The following JHY variants were observed in gnomAD, a reference collection of about 807,000 sequenced individuals.
The protein encoded by JHY is junctional cadherin complex regulator, also known as jhy protein homolog.
A neutral mutation model predicts 78.0 loss-of-function variants in JHY; 69 were observed. That is an observed-to-expected ratio of 0.88 (90% CI 0.73 to 1.08). The LOEUF (loss-of-function observed/expected upper bound fraction) is 1.08, where lower values mean the gene tolerates loss of function less well. JHY is among the 50% of genes least tolerant of loss of function. JHY has a pLI of 0.00. For synonymous variants in JHY, 368 were observed against 342.6 expected (o/e 1.07, Z -0.82); for missense variants, 944 against 927.8 (o/e 1.02, Z -0.23).
chr11:122,886,023 T>C lies in JHY; in HGVS notation c.174T>C (p.Ser58=), dbSNP rs768362097. Reference sequence around the variant, plus strand: ...TCACGCAAGAGATTATGTGCCATTCTGAGTTTGATGATCGAATCCGGGGCA... The same window carrying C: ...TCACGCAAGAGATTATGTGCCATTCCGAGTTTGATGATCGAATCCGGGGCA... ...ESLTQEIMCH[S]EFDDRIRGNG... Residue 58 remains serine (S), a synonymous_variant, in exon 2 of 9, where the codon TCT becomes TCC. Transcript: ENST00000227349. 12 of 1,614,164 alleles carry C rather than the reference T, an allele frequency of 7.4e-6. No individual in the cohort carries two copies. The highest frequency in any genetic ancestry group is 1.7e-5 in the Admixed American group (1 of 60,022).
intron 1 of JHY, among the ~76,000 whole-genome samples, 190 bp from the exon 2 acceptor site, chr11:122,885,571 A>G (rs1862477593): frequency 6.6e-6 from 1 of 152,192 alleles, no homozygotes; most frequent in Admixed American, 6.5e-5. Context: ...TGAGCGCTAC[A>G]TCAGATGTGT....
chr11:122,937,652 T>A (rs1439550303), intron 5 of JHY, among the ~76,000 whole-genome samples: 5 of 152,120 alleles, frequency 3.3e-5, no homozygotes, highest in African/African-American at 4.8e-5. Flanking sequence ...GCCACACCTG[T>A]TTTCTGACTG....
chr11:122,921,106 T>G (rs957993326), intron 3 of JHY, among the ~76,000 whole-genome samples: 2 of 152,120 alleles, frequency 1.3e-5, no homozygotes, highest in Non-Finnish European at 2.9e-5. Flanking sequence ...GAAGTATGCT[T>G]TACTTGCCCA....
chr11:122,910,138 C>T (rs1489665896), intron 3 of JHY, among the ~76,000 whole-genome samples: 6 of 151,762 alleles, frequency 4.0e-5, no homozygotes, highest in Non-Finnish European at 8.8e-5. Flanking sequence ...GATAACTTAC[C>T]AGGATTTCTT....
chr11:122,926,778 C>G lies in JHY; in HGVS notation c.978+1768C>G, dbSNP rs184406222. The stretch of plus-strand genomic sequence containing the variant: ...GCCTCAGCCTGCCATTTACTTGATT[C>G]ATGACTGGGCAAATCTCAGCTTTTT... On this transcript the variant is annotated intron_variant, in intron 4 of 8. Coordinates refer to ENST00000227349, the MANE Select transcript of JHY (RefSeq NM_024806.4). 9.2e-4 allele frequency among the ~76,000 whole-genome samples: 140 copies of G among 152,310 alleles called. 1 individual carries two copies. Among genetic ancestry groups the G allele is most frequent in the African/African-American group, 3.1e-3 (130 of 41,572 alleles).
rs1383314088 is a variant in JHY, at chr11:122,914,370, G to T, written c.864+9926G>T. ...GGTCATTTTTTTGTAATTATATTTGGTTAGAAACATAGAATTATCTTCTTA... is the reference window on the plus strand; with the variant it reads ...GGTCATTTTTTTGTAATTATATTTGTTTAGAAACATAGAATTATCTTCTTA... On this transcript the variant is annotated intron_variant, in intron 3 of 8. Coordinates refer to ENST00000227349, the MANE Select transcript of JHY (RefSeq NM_024806.4). 3.9e-5 allele frequency among the ~76,000 whole-genome samples: 6 copies of T among 152,068 alleles called. No homozygotes were observed. In the East Asian group the frequency reaches 1.2e-3, roughly 29 times the overall value.
At chr11:122,909,181 T>C (rs1863058796) in intron 3 of JHY, among the ~76,000 whole-genome samples, 1 of 152,206 alleles carries the variant, frequency 6.6e-6, no homozygotes, top group South Asian at 2.1e-4. Context: ...GATTCCATTT[T>C]TCAACTACAA....
At chr11:122,956,156 CA>C (rs371179969) in intron 6 of JHY, among the ~76,000 whole-genome samples, 51,613 of 144,782 alleles carry the variant, frequency 0.36, 9,520 homozygotes, top group Non-Finnish European at 0.43. Context: ...CAGGTATCTC[CA>C]AAAAAAAAAA....
chr11:122,953,686 T>C (rs539845853), intron 6 of JHY, among the ~76,000 whole-genome samples: 18 of 151,668 alleles, frequency 1.2e-4, no homozygotes, highest in Middle Eastern at 6.9e-3. Flanking sequence ...CAGACAGATA[T>C]AATGGAGAGG....
At chr11:122,888,141 C>T (rs925325607) in intron 2 of JHY, among the ~76,000 whole-genome samples, 4 of 151,990 alleles carry the variant, frequency 2.6e-5, no homozygotes, top group Admixed American at 6.6e-5. Flanking sequence ...GAGTTGTCAC[C>T]AAGGTGCTAG....
chr11:122,915,661 C>T (rs1320838959), intron 3 of JHY, among the ~76,000 whole-genome samples: 2 of 152,004 alleles, frequency 1.3e-5, no homozygotes, highest in East Asian at 1.9e-4. Flanking sequence ...TAGAGGTACC[C>T]GCCACCATGC....
At chr11:122,926,000 G>C (rs1277173614) in intron 4 of JHY, among the ~76,000 whole-genome samples, 1 of 149,946 alleles carries the variant, frequency 6.7e-6, no homozygotes, top group Non-Finnish European at 1.5e-5. Context: ...CTGGGTGACA[G>C]AGCAAGACTC....
intron 2 of JHY, among the ~76,000 whole-genome samples, chr11:122,901,650 G>A (rs1862861749): frequency 6.6e-6 from 1 of 151,668 alleles, no homozygotes; most frequent in South Asian, 2.1e-4. Flanking sequence ...GAGGCAGGCA[G>A]ATCACGAGGT....
At chr11:122,884,136 TA>T (rs772772368) in intron 1 of JHY, among the ~76,000 whole-genome samples, 11 of 152,184 alleles carry the variant, frequency 7.2e-5, no homozygotes, top group Admixed American at 7.2e-4. Flanking sequence ...TCTGTAATAT[TA>T]GAGAATAATA....
Position 122,943,854 on chromosome 11 carries a change from A to AAGT in JHY, c.1635-2640_1635-2638dup, listed in dbSNP as rs1183012287. Among the ~76,000 whole-genome samples the AAGT allele has an allele frequency of 7.2e-5, 11 of 152,046 alleles. No individual in the cohort carries two copies. The East Asian group carries it at 2.1e-3, about 29-fold the overall frequency. ...CTTATGATTTAAGTGAGTCTCTTTTAAGTAGTGTGTTGGATTTTGTTTCTT... is the reference window on the plus strand; with the variant it reads ...CTTATGATTTAAGTGAGTCTCTTTTAAGTAGTAGTGTGTTGGATTTTGTTTCTT... On this transcript the variant is annotated intron_variant, in intron 5 of 8. Coordinates refer to ENST00000227349, the MANE Select transcript of JHY (RefSeq NM_024806.4).
chr11:122,926,200 A>AAAAAAAAAG (rs1863497646), intron 4 of JHY, among the ~76,000 whole-genome samples: 1 of 90,382 alleles, frequency 1.1e-5, no homozygotes, highest in African/African-American at 3.1e-5. Context: ...AAAAAAAAAA[A>AAAAAAAAAG]AAAAAAGAAA....
intron 4 of JHY, among the ~76,000 whole-genome samples, chr11:122,927,539 C>T (rs946507442): frequency 1.3e-5 from 2 of 152,058 alleles, no homozygotes; most frequent in African/African-American, 4.8e-5. Flanking sequence ...TTCAACTACC[C>T]AAGTCCAATG....
At chr11:122,925,078 C>G in intron 4 of JHY, 68 bp downstream of exon 4, 1 of 1,203,790 alleles carries the variant, frequency 8.3e-7, no homozygotes, top group Non-Finnish European at 1.2e-6. Flanking sequence ...ATGATCGTGA[C>G]TGAGTTCTTA....
intron 4 of JHY, among the ~76,000 whole-genome samples, chr11:122,930,143 T>C (rs912215636): frequency 9.8e-5 from 15 of 152,286 alleles, no homozygotes; most frequent in African/African-American, 3.4e-4. Context: ...TACAGTATCG[T>C]GATTTTGGCT....
Sources: allele counts gnomAD v4.1 joint callset (sites outside exome capture counted in the v4.1 genomes callset), GRCh38; gene constraint gnomAD v4.1.1; transcripts MANE v1.5; gene names NCBI Gene and HGNC (gene_info 2026-07-23, HGNC 2026-07-21).